CSMD2: variants seen among roughly 807,000 people sequenced by gnomAD.
The protein encoded by CSMD2 is CUB and Sushi multiple domains 2.
CSMD2 carries 130 observed loss-of-function variants against 398.5 expected under a neutral mutation model. The observed-to-expected ratio is 0.33, with a 90% CI of 0.28 to 0.38. The LOEUF (loss-of-function observed/expected upper bound fraction) is 0.38, where lower values mean the gene tolerates loss of function less well. Ranked by LOEUF, CSMD2 falls within the 10% of genes least tolerant of loss-of-function variation. CSMD2 has a pLI of 1.00. For missense variants in CSMD2, 3,829 were observed against 4,764.9 expected (o/e 0.80, Z 5.78); for synonymous variants, 1,828 against 1,908.5 (o/e 0.96, Z 1.10).
intron 29 of CSMD2, among the ~76,000 whole-genome samples, chr1:33,646,020 T>C (rs750620506): frequency 2.6e-5 from 4 of 152,232 alleles, no homozygotes; most frequent in Non-Finnish European, 1.5e-5. Context: ...ATATTTACTA[T>C]TTTTAGGGGA....
At chr1:33,754,206 G>C (rs533816062) in intron 13 of CSMD2, among the ~76,000 whole-genome samples, 1 of 152,182 alleles carries the variant, frequency 6.6e-6, no homozygotes, top group Non-Finnish European at 1.5e-5. Flanking sequence ...ATGGGGCCTG[G>C]GGGGAGGTAT....
At chr1:33,570,643 C>T (rs1052278341) in intron 51 of CSMD2, among the ~76,000 whole-genome samples, 8 of 152,142 alleles carry the variant, frequency 5.3e-5, no homozygotes, top group Non-Finnish European at 1.2e-4. Flanking sequence ...CTCAGAGCCC[C>T]TTTTAGGACC....
At chr1:33,822,558 C>A (rs149977670) in intron 7 of CSMD2, among the ~76,000 whole-genome samples, 2 of 152,122 alleles carry the variant, frequency 1.3e-5, no homozygotes, top group East Asian at 3.9e-4. Flanking sequence ...TTGTCTCTTA[C>A]GCCCATCCCC....
chr1:34,064,416 A>G (rs970540627), intron 2 of CSMD2, among the ~76,000 whole-genome samples: 24 of 152,048 alleles, frequency 1.6e-4, no homozygotes, highest in African/African-American at 5.6e-4. Flanking sequence ...ATCTCTCTCA[A>G]GTTCAAAGTT....
chr1:34,073,586 A>G (rs1655979198), intron 2 of CSMD2, among the ~76,000 whole-genome samples: 1 of 152,264 alleles, frequency 6.6e-6, no homozygotes, highest in Non-Finnish European at 1.5e-5. Context: ...ACCTTCTTAA[A>G]GCAGAAAATA....
At chr1:34,044,496 T>G (rs1267172217) in intron 2 of CSMD2, among the ~76,000 whole-genome samples, 1 of 152,108 alleles carries the variant, frequency 6.6e-6, no homozygotes, top group Non-Finnish European at 1.5e-5. Context: ...TGCAGGTTAT[T>G]ATGAAGCTGA....
At chr1:34,116,118 T>A (rs1442724659) in intron 1 of CSMD2, among the ~76,000 whole-genome samples, 1 of 152,054 alleles carries the variant, frequency 6.6e-6, no homozygotes, top group Non-Finnish European at 1.5e-5. Flanking sequence ...TTACTTTCGA[T>A]GTAAATGGAT....
intron 12 of CSMD2, among the ~76,000 whole-genome samples, chr1:33,774,378 G>C (rs1384530155): frequency 2.0e-5 from 3 of 152,094 alleles, no homozygotes; most frequent in Admixed American, 6.5e-5. Context: ...ATACACTGAG[G>C]CATTCCAGGA....
intron 3 of CSMD2, among the ~76,000 whole-genome samples, chr1:34,005,808 G>A (rs182743802): frequency 6.6e-6 from 1 of 152,306 alleles, no homozygotes; most frequent in African/African-American, 2.4e-5. Flanking sequence ...TATTCTAGCA[G>A]AGCCTATGCA....
intron 3 of CSMD2, among the ~76,000 whole-genome samples, chr1:34,029,365 A>G (rs1284119758): frequency 6.6e-6 from 1 of 152,148 alleles, no homozygotes; most frequent in Non-Finnish European, 1.5e-5. Flanking sequence ...AATCTGCCCA[A>G]GGTCACCCAG....
chr1:33,579,682 T>C, intron 48 of CSMD2, among the ~76,000 whole-genome samples: 1 of 121,890 alleles, frequency 8.2e-6, no homozygotes, highest in African/African-American at 3.3e-5. Flanking sequence ...TTTTTTTTAA[T>C]TTTTTTTTTT....
rs1659134306 is a variant in CSMD2 at position 33,567,289 on chromosome 1, T to G, written c.8380+304A>C. On this transcript the variant is annotated intron_variant, in intron 53 of 70. Transcript: ENST00000373381. ...TCTTAAGCACTTATAGCAATAAAAC[T>G]CAATAGAAATGAAAGAATGAAAATA... is the stretch of plus-strand genomic sequence containing the variant. Among the ~76,000 whole-genome samples the G allele has an allele frequency of 2.6e-5, 4 of 151,076 alleles. 1 individual carries two copies. In the South Asian group the frequency reaches 6.3e-4, roughly 24 times the overall value.
At chr1:33,947,425 G>C (rs1644872308) in intron 3 of CSMD2, among the ~76,000 whole-genome samples, 1 of 152,094 alleles carries the variant, frequency 6.6e-6, no homozygotes, top group East Asian at 1.9e-4. Flanking sequence ...TAATCCCTTA[G>C]ACAACAGAAC....
intron 39 of CSMD2, among the ~76,000 whole-genome samples, chr1:33,615,782 C>T (rs1641345538): frequency 6.6e-6 from 1 of 152,212 alleles, no homozygotes; most frequent in Non-Finnish European, 1.5e-5. Context: ...TTCTGACCTG[C>T]TCCACAGATG....
intron 3 of CSMD2, among the ~76,000 whole-genome samples, chr1:33,974,580 C>T (rs968486268): frequency 6.6e-6 from 1 of 152,230 alleles, no homozygotes; most frequent in Non-Finnish European, 1.5e-5. Flanking sequence ...ATTTAAGTAA[C>T]CTGCTTGATG....
intron 2 of CSMD2, among the ~76,000 whole-genome samples, chr1:34,038,219 C>T (rs1651397384): frequency 6.6e-6 from 1 of 152,174 alleles, no homozygotes; most frequent in Non-Finnish European, 1.5e-5. Flanking sequence ...CAGACTTTCC[C>T]ATCTTTTATC....
Position 33,625,053 on chromosome 1 carries a change from A to C in CSMD2, c.5498T>G (p.Val1833Gly). ...ACGCCCGGGTCCTGGTTACTCACCC[A>C]CACACGTGGGCGCTGAGACATTCCA... ...AQWNVSAPTC[V>G]VPCGGNLTER... The change falls in exon 34 of 71, where the codon GTG becomes GGG. Residue 1833 changes from valine (V) to glycine (G), a missense_variant and splice_region_variant. Physicochemically the swap from Val to Gly is moderately radical, Grantham distance 109. Transcript: ENST00000373381. The C allele has an allele frequency of 6.2e-7, 1 of 1,613,848 alleles. No individual in the cohort carries two copies. Among genetic ancestry groups the C allele is most frequent in the South Asian group, 1.1e-5 (1 of 91,080 alleles).
chr1:34,006,266 A>T (rs566564348), intron 3 of CSMD2, among the ~76,000 whole-genome samples: 196 of 152,156 alleles, frequency 1.3e-3, no homozygotes, highest in Middle Eastern at 0.01. Flanking sequence ...TAACTCAGAG[A>T]TTAATATCTT....
intron 1 of CSMD2, among the ~76,000 whole-genome samples, chr1:34,148,523 T>C (rs1434454864): frequency 6.6e-6 from 1 of 152,182 alleles, no homozygotes; most frequent in Non-Finnish European, 1.5e-5. Flanking sequence ...TCACAATATT[T>C]ATTGAGCATC....
Sources: gnomAD v4.1 joint callset for allele counts (sites outside exome capture counted in the v4.1 genomes callset) on GRCh38, gnomAD v4.1.1 for gene constraint, MANE v1.5 for transcripts, NCBI Gene and HGNC (gene_info 2026-07-23, HGNC 2026-07-21) for gene names.